CRTAM: variants seen among roughly 807,000 people sequenced by gnomAD.
CRTAM encodes the protein cytotoxic and regulatory T-cell molecule.
CRTAM carries 44 observed loss-of-function variants against 50.0 expected under a neutral mutation model. That is an observed-to-expected ratio of 0.88 (90% CI 0.69 to 1.13). CRTAM has a LOEUF of 1.13. Among genes scored for constraint, CRTAM ranks in the 50% most tolerant of loss-of-function variants. The pLI, the probability that CRTAM is intolerant of heterozygous loss-of-function variation, is 0.00. For missense variants in CRTAM, 448 were observed against 457.5 expected, an observed-to-expected ratio of 0.98 and a Z score of 0.19; for synonymous variants, 159 against 169.3, an observed-to-expected ratio of 0.94 and a Z score of 0.47.
In CRTAM at chr11:122,864,617, T is replaced by C; in HGVS notation, c.734-19T>C. ...ATATAATGCATGCATAGCTCATGTTTTATCTTCTTTCACTTTAGTCTCAGT... is the reference window on the plus strand; with the variant it reads ...ATATAATGCATGCATAGCTCATGTTCTATCTTCTTTCACTTTAGTCTCAGT... On this transcript the variant is annotated intron_variant, in intron 6 of 9. Coordinates refer to ENST00000227348, the MANE Select transcript of CRTAM (RefSeq NM_019604.4). 6.4e-7 allele frequency: 1 copy of C among 1,567,570 alleles called. No individual in the cohort carries two copies. Among genetic ancestry groups the C allele is most frequent in the Non-Finnish European group, 8.8e-7 (1 of 1,137,718 alleles).
chr11:122,852,081 G>A (rs1861937456), intron 3 of CRTAM, among the ~76,000 whole-genome samples: 1 of 152,036 alleles, frequency 6.6e-6, no homozygotes, highest in African/African-American at 2.4e-5. Context: ...TCTCTCCAGG[G>A]AACTAAAAGA....
At chr11:122,855,561 C>A (rs1591352705) in intron 4 of CRTAM, 134 bp from the exon 5 acceptor site, 2 of 681,216 alleles carry the variant, frequency 2.9e-6, no homozygotes, top group South Asian at 4.2e-5. Context: ...CAAGCCTATA[C>A]AAGGGAACTG....
chr11:122,867,207 T>C (rs1175217635), intron 7 of CRTAM, among the ~76,000 whole-genome samples: 1 of 152,172 alleles, frequency 6.6e-6, no homozygotes, highest in Non-Finnish European at 1.5e-5. Context: ...AATTGCCTTG[T>C]TTGTTGTATG....
chr11:122,850,326 C>G, intron 2 of CRTAM, 112 bp downstream of exon 2: 3 of 1,034,118 alleles, frequency 2.9e-6, no homozygotes, highest in Non-Finnish European at 4.1e-6. Flanking sequence ...GGGGTGGGCT[C>G]AGCCCACCTA....
At chr11:122,841,527 A>G (rs1861798830) in intron 1 of CRTAM, among the ~76,000 whole-genome samples, 1 of 151,628 alleles carries the variant, frequency 6.6e-6, no homozygotes, top group South Asian at 2.1e-4. Flanking sequence ...CAGCCTCCCG[A>G]GTAGCTGGGA....
intron 5 of CRTAM, among the ~76,000 whole-genome samples, chr11:122,861,386 G>GTATA (rs71057304): frequency 3.1e-3 from 129 of 41,800 alleles, no homozygotes; most frequent in Middle Eastern, 0.025. Flanking sequence ...ATACATATAC[G>GTATA]TATATATATA....
chr11:122,838,805 G>T (rs1366834839), intron 1 of CRTAM, among the ~76,000 whole-genome samples: 2 of 152,076 alleles, frequency 1.3e-5, no homozygotes, highest in African/African-American at 2.4e-5. Flanking sequence ...AGTATAGAAA[G>T]GATCATTATA....
intron 6 of CRTAM, among the ~76,000 whole-genome samples, chr11:122,863,307 AAAAG>A (rs1307742130): frequency 0.011 from 1,565 of 137,832 alleles, 35 homozygotes; most frequent in African/African-American, 0.041. Context: ...AGAGAGAAAG[AAAAG>A]AAAGAAAGAA....
At chr11:122,865,009 A>G (rs1862150583) in intron 7 of CRTAM, among the ~76,000 whole-genome samples, 1 of 151,492 alleles carries the variant, frequency 6.6e-6, no homozygotes, top group Non-Finnish European at 1.5e-5. Flanking sequence ...TTACTTCTCC[A>G]TCTTTTGTTC....
At chr11:122,838,901 G>C (rs1363666145) in intron 1 of CRTAM, among the ~76,000 whole-genome samples, 1 of 151,988 alleles carries the variant, frequency 6.6e-6, no homozygotes, top group African/African-American at 2.4e-5. Flanking sequence ...AGTTGAAAGA[G>C]CATCCGTATT....
intron 3 of CRTAM, 56 bp from the exon 4 acceptor site, chr11:122,853,887 T>C: frequency 1.3e-6 from 2 of 1,513,148 alleles, no homozygotes; most frequent in South Asian, 2.4e-5. Flanking sequence ...CTCTGTGCTT[T>C]GTTGAGATAT....
At chr11:122,847,209 T>C (rs1861875279) in intron 1 of CRTAM, among the ~76,000 whole-genome samples, 1 of 152,158 alleles carries the variant, frequency 6.6e-6, no homozygotes, top group African/African-American at 2.4e-5. Flanking sequence ...GTGCTGTTAG[T>C]AGTGGAGGAG....
At chr11:122,841,155 T>C (rs1221309855) in intron 1 of CRTAM, among the ~76,000 whole-genome samples, 1 of 152,186 alleles carries the variant, frequency 6.6e-6, no homozygotes, top group African/African-American at 2.4e-5. Flanking sequence ...TTTATTTTTA[T>C]ACCTGCAATT....
At chr11:122,858,899 A>G (rs1862038272) in intron 5 of CRTAM, among the ~76,000 whole-genome samples, 1 of 152,148 alleles carries the variant, frequency 6.6e-6, no homozygotes, top group African/African-American at 2.4e-5. Context: ...AGGATTTTTT[A>G]AATATTTGAA....
chr11:122,867,538 A>G lies in CRTAM; in HGVS notation c.947A>G (p.His316Arg). Residue 316 changes from histidine (H) to arginine (R), a missense_variant, in exon 8 of 10, where the codon CAT (histidine) becomes CGT (arginine). Physicochemically the swap from His to Arg is conservative, Grantham distance 29. Coordinates refer to ENST00000227348, the MANE Select transcript of CRTAM (RefSeq NM_019604.4). ...TTCATCATGAAGCTGAGGAAAGCAC[A>G]TGTGATATGGAAGAAAGGTCAGTGG... ...QLFIMKLRKA[H>R]VIWKKENEVS... 1 of 1,613,998 alleles carries G rather than the reference A, an allele frequency of 6.2e-7. No homozygotes were observed. The highest frequency in any genetic ancestry group is 2.2e-5 in the East Asian group (1 of 44,878).
chr11:122,871,547 G>A lies in CRTAM; in HGVS notation c.*148G>A, dbSNP rs1862254237. 26 of 584,428 alleles carry A rather than the reference G, an allele frequency of 4.4e-5. 2 individuals carry two copies. The South Asian group carries it at 5.7e-4, about 13-fold the overall frequency. 36.2% of individuals were successfully genotyped at this position (584,428 alleles called of 1,614,324 possible). ...GTGTCCTCGGATAATGATCTGCCCCGGAGCTAGGGCAGCAACATGAGGACC... is the reference window on the plus strand; with the variant it reads ...GTGTCCTCGGATAATGATCTGCCCCAGAGCTAGGGCAGCAACATGAGGACC... On this transcript the variant is annotated 3_prime_UTR_variant, in exon 10 of 10. Coordinates refer to ENST00000227348, the MANE Select transcript of CRTAM (RefSeq NM_019604.4).
At chr11:122,839,841 C>T (rs547601561) in intron 1 of CRTAM, among the ~76,000 whole-genome samples, 63 of 152,142 alleles carry the variant, frequency 4.1e-4, no homozygotes, top group Non-Finnish European at 5.4e-4. Flanking sequence ...TTAAAAAACT[C>T]GATTTCCTAT....
intron 1 of CRTAM, among the ~76,000 whole-genome samples, chr11:122,848,407 T>C (rs1191980758): frequency 6.6e-6 from 1 of 152,250 alleles, no homozygotes; most frequent in Admixed American, 6.5e-5. Context: ...AGCAGAATTC[T>C]GGCCTTATGC....
chr11:122,851,758 A>G lies in CRTAM; in HGVS notation c.259A>G (p.Asn87Asp). ...SANQLSITVP[N>D]VTLQDEGVYK... Reference sequence around the variant, plus strand: ...CAATCAGCTCTCCATCACTGTGCCTAACGTAACCCTGCAAGATGAAGGCGT... The same window carrying G: ...CAATCAGCTCTCCATCACTGTGCCTGACGTAACCCTGCAAGATGAAGGCGT... Residue 87 changes from asparagine (N) to aspartate (D), a missense_variant, in exon 3 of 10, where the codon AAC becomes GAC. Asn to Asp is a conservative substitution (Grantham distance 23). Coordinates refer to ENST00000227348, the MANE Select transcript of CRTAM (RefSeq NM_019604.4). The G allele has an allele frequency of 6.2e-7, 1 of 1,614,194 alleles. No homozygotes were observed. Among genetic ancestry groups the G allele is most frequent in the South Asian group, 1.1e-5 (1 of 91,076 alleles).
Sources: gnomAD v4.1 joint callset for allele counts (sites outside exome capture counted in the v4.1 genomes callset) on GRCh38, gnomAD v4.1.1 for gene constraint, MANE v1.5 for transcripts, NCBI Gene and HGNC (gene_info 2026-07-23, HGNC 2026-07-21) for gene names.